Variants in DHX57 observed in about 807,000 individuals in gnomAD.
DHX57 encodes DExH-box helicase 57, also known as putative ATP-dependent RNA helicase DHX57.
A neutral mutation model predicts 156.2 loss-of-function variants in DHX57; 105 were observed. The ratio of observed to expected loss-of-function variants is 0.67; its 90% CI spans 0.57 to 0.79. The LOEUF is 0.79. DHX57 is among the 30% of genes least tolerant of loss of function. The probability of loss-of-function intolerance (pLI) is 0.00; values close to 1 mark genes in which losing one functional copy is unlikely to be tolerated. For synonymous variants in DHX57, 704 were observed against 595.6 expected (o/e 1.18, Z -2.65); for missense variants, 1,847 against 1,661.9 (o/e 1.11, Z -1.94).
intron 21 of DHX57, among the ~76,000 whole-genome samples, 172 bp from the exon 22 acceptor site, chr2:38,806,865 CT>C (rs34006142): frequency 0.54 from 74,659 of 136,990 alleles, 20,838 homozygotes; most frequent in East Asian, 0.79. Flanking sequence ...CAAGCACATG[CT>C]TTTTTTTTTT....
chr2:38,857,549 TTTGG>T (rs1314375457), intron 6 of DHX57, among the ~76,000 whole-genome samples: 2 of 152,236 alleles, frequency 1.3e-5, no homozygotes, highest in Admixed American at 6.5e-5. Flanking sequence ...TGTGATGTTC[TTTGG>T]GTATTGTACT....
intron 21 of DHX57, among the ~76,000 whole-genome samples, chr2:38,811,931 T>C (rs965626379): frequency 3.3e-5 from 5 of 152,318 alleles, no homozygotes; most frequent in South Asian, 4.1e-4. Flanking sequence ...CTTTTTCTTT[T>C]TTCTTTTTTT....
rs541798953 is a variant in DHX57 at position 38,799,296 on chromosome 2, G to C, written c.4018-854C>G. Among the ~76,000 whole-genome samples the C allele has an allele frequency of 8.6e-5, 13 of 151,960 alleles. No individual in the cohort carries two copies. In the South Asian group the frequency reaches 1.7e-3, roughly 19 times the overall value. On this transcript the variant is annotated intron_variant, in intron 23 of 23. Coordinates refer to ENST00000457308, the MANE Select transcript of DHX57 (RefSeq NM_198963.3). The stretch of plus-strand genomic sequence containing the variant: ...CAGGAGAATCGCTTGAACCTGGGAG[G>C]TGGAGGTTGCGGTGAGCCAAGATTG...
At chr2:38,810,406 T>G (rs542186878) in intron 21 of DHX57, 17 of 505,922 alleles carry the variant, frequency 3.4e-5, no homozygotes, top group Non-Finnish European at 6.6e-5. Context: ...CAAAGTGAGG[T>G]GGCCCTAGCT....
rs555693231 is a variant in DHX57, at chr2:38,848,248, T to A, written c.2164+21A>T. The A allele has an allele frequency of 4.0e-5, 63 of 1,567,306 alleles. 1 individual carries two copies. The South Asian group carries it at 6.6e-4, about 16-fold the overall frequency. On this transcript the variant is annotated intron_variant, in intron 10 of 23. Transcript: ENST00000457308. ...ATTTGCTTATTAGAATGATACATAT[T>A]TAATGATGCATTTTATTCACCTGGT...
At chr2:38,831,857 A>G (rs1376396965) in intron 13 of DHX57, among the ~76,000 whole-genome samples, 3 of 151,202 alleles carry the variant, frequency 2.0e-5, no homozygotes, top group African/African-American at 7.3e-5. Context: ...AAAAAAAAAA[A>G]AAATTACAAA....
intron 13 of DHX57, among the ~76,000 whole-genome samples, chr2:38,830,345 T>C (rs1008728670): frequency 3.3e-5 from 5 of 152,074 alleles, no homozygotes. Flanking sequence ...AGGTTATTAG[T>C]GGCCAGGCAT....
At chr2:38,813,657 C>G (rs1359201861) in intron 21 of DHX57, among the ~76,000 whole-genome samples, 164 bp downstream of exon 21, 1 of 152,170 alleles carries the variant, frequency 6.6e-6, no homozygotes. Flanking sequence ...CAGGCGTGAG[C>G]CACCGCACCC....
In DHX57 at chr2:38,855,213, A is replaced by G. The variant is rs148971861; in HGVS notation, c.1749T>C (p.Asp583=). The G allele has an allele frequency of 2.4e-4, 395 of 1,614,224 alleles. 5 individuals carry two copies. In the East Asian group the frequency reaches 3.6e-3, roughly 15 times the overall value. The change falls in exon 8 of 24, where the codon GAT becomes GAC. Residue 583 remains aspartate, a synonymous_variant. Coordinates refer to ENST00000457308, the MANE Select transcript of DHX57 (RefSeq NM_198963.3). ...KTTQIPQFIL[D]DSLNGPPEKV... ...TCTCAGGTGGTCCATTCAGAGAATCATCCAGAATAAACTGCGGAATTTGTG... is the reference window on the plus strand; with the variant it reads ...TCTCAGGTGGTCCATTCAGAGAATCGTCCAGAATAAACTGCGGAATTTGTG...
In DHX57 at chr2:38,823,180, G is replaced by A; in HGVS notation, c.3104C>T (p.Ala1035Val). Reference protein sequence around the residue: ...IEPPHTDSLRASKIRLRDLGA... With the variant: ...IEPPHTDSLRVSKIRLRDLGA... Reference sequence around the variant, plus strand: ...TAAGTCTCGTAATCGTATTTTTGAGGCACGAAGAGAATCGGTGTGTGGAGG... The same window carrying A: ...TAAGTCTCGTAATCGTATTTTTGAGACACGAAGAGAATCGGTGTGTGGAGG... Residue 1035 changes from alanine (A) to valine (V), a missense_variant, in exon 17 of 24, where the codon GCC becomes GTC. By Grantham distance (64) the Ala-to-Val change is moderately conservative (BLOSUM62 0). Coordinates refer to ENST00000457308, the MANE Select transcript of DHX57 (RefSeq NM_198963.3). 1 of 1,614,140 alleles carries A rather than the reference G, an allele frequency of 6.2e-7. No homozygotes were observed. Among genetic ancestry groups the A allele is most frequent in the Non-Finnish European group, 8.5e-7 (1 of 1,180,028 alleles).
rs143059888 is a variant in DHX57, at chr2:38,872,931, G to A, written c.-7+2856C>T. Among the ~76,000 whole-genome samples, 127 of 152,080 alleles carry A rather than the reference G, an allele frequency of 8.4e-4. No homozygotes were observed. In the East Asian group the frequency reaches 0.022, roughly 26 times the overall value. ...ACAACGAACTATACATACTTCTGAA[G>A]TACACATGAAACATTTTCCAGGATA... On this transcript the variant is annotated intron_variant, in intron 1 of 23. Coordinates refer to ENST00000457308, the MANE Select transcript of DHX57 (RefSeq NM_198963.3).
intron 1 of DHX57, among the ~76,000 whole-genome samples, chr2:38,871,582 G>A (rs879294715): frequency 6.6e-6 from 1 of 152,166 alleles, no homozygotes; most frequent in Non-Finnish European, 1.5e-5. Flanking sequence ...GGTAATGGAG[G>A]CTGGGAAGTC....
chr2:38,821,625 G>A (rs3112143), intron 17 of DHX57, among the ~76,000 whole-genome samples: 33,313 of 152,010 alleles, frequency 0.22, 3,745 homozygotes, highest in Admixed American at 0.26. Flanking sequence ...CCTGGAAGTC[G>A]GAGGTTGCAG....
At chr2:38,863,963 G>C (rs1664907934) in intron 2 of DHX57, among the ~76,000 whole-genome samples, 1 of 151,716 alleles carries the variant, frequency 6.6e-6, no homozygotes, top group African/African-American at 2.4e-5. Flanking sequence ...AGTAAGCCAA[G>C]ATTGTGCCAC....
chr2:38,866,297 C>A (rs187405530), intron 2 of DHX57, among the ~76,000 whole-genome samples: 5 of 152,274 alleles, frequency 3.3e-5, no homozygotes, highest in African/African-American at 1.2e-4. Flanking sequence ...CCTTCTTGCC[C>A]ACTCATTCTA....
chr2:38,809,172 T>G (rs1670106340), intron 21 of DHX57, among the ~76,000 whole-genome samples: 1 of 152,156 alleles, frequency 6.6e-6, no homozygotes, highest in Non-Finnish European at 1.5e-5. Context: ...CCGGCTGTAG[T>G]GTAGTGGCAC....
Position 38,861,472 on chromosome 2 carries a change from C to T in DHX57, c.938G>A (p.Cys313Tyr). ...EICKFYLKGNCKFGSKCRFKH... is the reference protein window; with the variant it reads ...EICKFYLKGNYKFGSKCRFKH... ...GAATCTGCATTTTGATCCAAATTTA[C>T]AATTTCCTTTGAGGTAAAATTTACA... Residue 313 changes from cysteine to tyrosine, a missense_variant, in exon 5 of 24, where the codon TGT (cysteine) becomes TAT (tyrosine). Cys to Tyr is a radical substitution (Grantham distance 194, BLOSUM62 -2). Coordinates refer to ENST00000457308, the MANE Select transcript of DHX57 (RefSeq NM_198963.3). 2 of 1,614,062 alleles carry T rather than the reference C, an allele frequency of 1.2e-6. No homozygotes were observed. The highest frequency in any genetic ancestry group is 1.7e-6 in the Non-Finnish European group (2 of 1,180,028).
At chr2:38,815,390 G>A (rs1166641246) in intron 20 of DHX57, 131 bp downstream of exon 20, 1 of 1,219,372 alleles carries the variant, frequency 8.2e-7, no homozygotes, top group South Asian at 1.4e-5. Context: ...GTGCGAAGCA[G>A]AAAATCAAGA....
In DHX57 at chr2:38,861,817, C is replaced by T. The variant is rs1046657291; in HGVS notation, c.593G>A (p.Arg198His). 1.2e-5 allele frequency: 20 copies of T among 1,608,264 alleles called. No individual in the cohort carries two copies. The African/African-American group carries it at 1.9e-4, about 15-fold the overall frequency. Reference protein sequence around the residue: ...KLSRYGFNTERCQAVLRMCDG... With the variant: ...KLSRYGFNTEHCQAVLRMCDG... The stretch of plus-strand genomic sequence containing the variant: ...ACACATCCTCAGGACCGCTTGACAG[C>T]GTTCAGTATTGAAACCATACCTGTC... Residue 198 changes from arginine to histidine, a missense_variant, in exon 5 of 24, where the codon CGC becomes CAC. Physicochemically the swap from Arg to His is conservative, Grantham distance 29. Coordinates refer to ENST00000457308, the MANE Select transcript of DHX57 (RefSeq NM_198963.3).
Sources: gnomAD v4.1 joint callset for allele counts (sites outside exome capture counted in the v4.1 genomes callset) on GRCh38, gnomAD v4.1.1 for gene constraint, MANE v1.5 for transcripts, NCBI Gene and HGNC (gene_info 2026-07-23, HGNC 2026-07-21) for gene names.